The following NKAIN3 variants were observed in gnomAD, a reference collection of about 807,000 sequenced individuals.
The protein encoded by NKAIN3 is sodium/potassium transporting ATPase interacting 3, also known as sodium/potassium-transporting ATPase subunit beta-1-interacting protein 3.
NKAIN3 carries 25 observed loss-of-function variants against 30.2 expected under a neutral mutation model. The ratio of observed to expected loss-of-function variants is 0.83; its 90% CI spans 0.60 to 1.16. The LOEUF (loss-of-function observed/expected upper bound fraction) is 1.16, where lower values mean the gene tolerates loss of function less well. Ranked by LOEUF, NKAIN3 falls within the 50% of genes most tolerant of loss-of-function variation. The pLI, the probability that NKAIN3 is intolerant of heterozygous loss-of-function variation, is 0.00. For synonymous variants in NKAIN3, 91 were observed against 89.6 expected (o/e 1.02, Z -0.09); for missense variants, 225 against 254.1 (o/e 0.89, Z 0.78).
rs530673693 is a variant in NKAIN3 at position 62,312,973 on chromosome 8, C to T, written c.54+63846C>T. On this transcript the variant is annotated intron_variant, in intron 1 of 6. Coordinates refer to ENST00000623646, the MANE Select transcript of NKAIN3 (RefSeq NM_001304533.3). ...TTCTAATTAATTGTAATATATGTTT[C>T]CACCTACAGTTTTCAGGAGAGAATA... Among the ~76,000 whole-genome samples the T allele has an allele frequency of 3.3e-5, 5 of 152,090 alleles. No individual in the cohort carries two copies. The South Asian group carries it at 1.0e-3, about 32-fold the overall frequency.
Position 62,326,910 on chromosome 8 carries a change from C to T in NKAIN3, c.54+77783C>T, listed in dbSNP as rs139565028. On this transcript the variant is annotated intron_variant, in intron 1 of 6. Transcript: ENST00000623646. ...TTACACAGTGTCCTGCATCATTTTACGTTGCCGCCGACAGGGAATAAAGAT... is the reference window on the plus strand; with the variant it reads ...TTACACAGTGTCCTGCATCATTTTATGTTGCCGCCGACAGGGAATAAAGAT... Among the ~76,000 whole-genome samples, 217 of 152,108 alleles carry T rather than the reference C, an allele frequency of 1.4e-3. 2 individuals carry two copies. Among genetic ancestry groups the T allele is most frequent in the African/African-American group, 4.8e-3 (200 of 41,538 alleles).
intron 4 of NKAIN3, among the ~76,000 whole-genome samples, chr8:62,885,362 A>G (rs966610364): frequency 1.3e-5 from 2 of 152,160 alleles, no homozygotes; most frequent in African/African-American, 2.4e-5. Context: ...TATGATTTGT[A>G]TGCTTTAAAT....
At chr8:62,829,724 G>T (rs1239254541) in intron 4 of NKAIN3, among the ~76,000 whole-genome samples, 1 of 137,932 alleles carries the variant, frequency 7.2e-6, no homozygotes, top group Non-Finnish European at 1.6e-5. Flanking sequence ...TTTGTTGTTT[G>T]TTAACTAGAT....
At chr8:62,425,104 A>G (rs1804767316) in intron 1 of NKAIN3, among the ~76,000 whole-genome samples, 1 of 151,876 alleles carries the variant, frequency 6.6e-6, no homozygotes, top group Admixed American at 6.6e-5. Context: ...CAGAGAGTAG[A>G]ATAATGATTT....
At chr8:62,947,685 G>A (rs1274998044) in intron 5 of NKAIN3, among the ~76,000 whole-genome samples, 1 of 152,126 alleles carries the variant, frequency 6.6e-6, no homozygotes, top group Non-Finnish European at 1.5e-5. Flanking sequence ...CTTCTGCCTG[G>A]CTATATTTGG....
Position 62,709,657 on chromosome 8 carries a change from C to T in NKAIN3, c.274-37275C>T, listed in dbSNP as rs190608808. 1.6e-3 allele frequency among the ~76,000 whole-genome samples: 240 copies of T among 151,986 alleles called. 1 individual carries two copies. The highest frequency in any genetic ancestry group is 4.4e-3 in the African/African-American group (183 of 41,480). On this transcript the variant is annotated intron_variant, in intron 3 of 6. Transcript: ENST00000623646. Reference sequence around the variant, plus strand: ...TAATGGTCTCTCAATTTTATTTATCCTTTCAAAGAACCAACATTTTGTTTC... The same window carrying T: ...TAATGGTCTCTCAATTTTATTTATCTTTTCAAAGAACCAACATTTTGTTTC...
intron 4 of NKAIN3, among the ~76,000 whole-genome samples, chr8:62,842,061 T>C: frequency 6.6e-6 from 1 of 152,176 alleles, no homozygotes; most frequent in Middle Eastern, 3.2e-3. Flanking sequence ...AATGATTAGT[T>C]CATTTGTTAA....
intron 1 of NKAIN3, among the ~76,000 whole-genome samples, chr8:62,312,117 A>G (rs1335916558): frequency 1.3e-5 from 2 of 150,670 alleles, no homozygotes; most frequent in Non-Finnish European, 2.9e-5. Context: ...AAATGTCAAC[A>G]TGACTTCAAA....
chr8:62,350,242 A>G (rs1311928038), intron 1 of NKAIN3, among the ~76,000 whole-genome samples: 4 of 152,388 alleles, frequency 2.6e-5, no homozygotes. Flanking sequence ...CAAATGGATC[A>G]ACAAAATGTG....
chr8:62,369,633 A>T (rs1372447406), intron 1 of NKAIN3, among the ~76,000 whole-genome samples: 2 of 152,064 alleles, frequency 1.3e-5, no homozygotes, highest in Non-Finnish European at 1.5e-5. Context: ...GAGAAATGGA[A>T]TTGGATTCTT....
At chr8:62,589,360 T>G (rs945530516) in intron 2 of NKAIN3, among the ~76,000 whole-genome samples, 1 of 151,674 alleles carries the variant, frequency 6.6e-6, no homozygotes, top group Admixed American at 6.6e-5. Context: ...TACTGTAACT[T>G]AAAGATGATA....
chr8:62,345,306 T>C (rs1305129005), intron 1 of NKAIN3, among the ~76,000 whole-genome samples: 1 of 120,522 alleles, frequency 8.3e-6, no homozygotes, highest in Non-Finnish European at 1.8e-5. Flanking sequence ...CATATATATG[T>C]ATATATACAC....
chr8:62,682,279 G>C (rs1813666724), intron 3 of NKAIN3, among the ~76,000 whole-genome samples: 1 of 152,078 alleles, frequency 6.6e-6, no homozygotes, highest in African/African-American at 2.4e-5. Context: ...AGATAATTCA[G>C]AGAGCCAAGC....
intron 1 of NKAIN3, among the ~76,000 whole-genome samples, chr8:62,374,142 A>G (rs1250828497): frequency 2.0e-5 from 3 of 150,298 alleles, no homozygotes; most frequent in Non-Finnish European, 3.0e-5. Context: ...AAAAAAGAGA[A>G]GACAGAAGAA....
intron 4 of NKAIN3, among the ~76,000 whole-genome samples, chr8:62,759,535 G>A (rs1288957122): frequency 1.3e-5 from 2 of 152,138 alleles, no homozygotes; most frequent in African/African-American, 4.8e-5. Flanking sequence ...TGGAACTAGA[G>A]AGACTTATCA....
intron 3 of NKAIN3, among the ~76,000 whole-genome samples, chr8:62,603,115 C>T (rs1531660): frequency 0.45 from 68,897 of 151,980 alleles, 17,733 homozygotes; most frequent in Non-Finnish European, 0.58. Context: ...AAGAACAATA[C>T]GTAGAACCAT....
intron 1 of NKAIN3, among the ~76,000 whole-genome samples, chr8:62,333,466 G>A (rs189941145): frequency 8.4e-4 from 128 of 152,166 alleles, no homozygotes; most frequent in African/African-American, 2.9e-3. Context: ...TGTACCAGGG[G>A]CTACTTAAGT....
At chr8:62,463,564 G>T (rs1170415352) in intron 1 of NKAIN3, among the ~76,000 whole-genome samples, 1 of 152,178 alleles carries the variant, frequency 6.6e-6, no homozygotes, top group African/African-American at 2.4e-5. Flanking sequence ...ACTATTGGTG[G>T]TTTGTTTATT....
rs112954297 is a variant in NKAIN3, at chr8:62,385,896, G to A, written c.54+136769G>A. Reference sequence around the variant, plus strand: ...GAAATGCATCTGTACATGCACCATCGTTTGTTCATCCATTCAACACTTTAG... The same window carrying A: ...GAAATGCATCTGTACATGCACCATCATTTGTTCATCCATTCAACACTTTAG... On this transcript the variant is annotated intron_variant, in intron 1 of 6. Transcript: ENST00000623646. Among the ~76,000 whole-genome samples, 679 of 152,232 alleles carry A rather than the reference G, an allele frequency of 4.5e-3. 3 individuals carry two copies. The highest frequency in any genetic ancestry group is 0.015 in the African/African-American group (629 of 41,546).
Sources: allele counts gnomAD v4.1 joint callset (sites outside exome capture counted in the v4.1 genomes callset), GRCh38; gene constraint gnomAD v4.1.1; transcripts MANE v1.5; gene names NCBI Gene and HGNC (gene_info 2026-07-23, HGNC 2026-07-21).